MBNL1: variants seen among roughly 807,000 people sequenced by gnomAD.
MBNL1 encodes muscleblind-like protein 1.
MBNL1 carries 8 observed loss-of-function variants against 42.2 expected under a neutral mutation model. The ratio of observed to expected loss-of-function variants is 0.19; its 90% CI spans 0.11 to 0.34. The LOEUF is 0.34. Ranked by LOEUF, MBNL1 falls within the 10% of genes least tolerant of loss-of-function variation. MBNL1 has a pLI of 1.00. For missense variants in MBNL1, 309 were observed against 495.3 expected (o/e 0.62, Z 3.57); for synonymous variants, 169 against 173.9 (o/e 0.97, Z 0.22).
chr3:152,409,602 A>T (rs2153611198), intron 2 of MBNL1, among the ~76,000 whole-genome samples: 1 of 152,332 alleles, frequency 6.6e-6, no homozygotes, highest in South Asian at 2.1e-4. Context: ...CCCAAAAGGA[A>T]ATCTTGGTTT....
At chr3:152,273,386 G>A (rs916473156) in intron 1 of MBNL1, among the ~76,000 whole-genome samples, 2 of 151,978 alleles carry the variant, frequency 1.3e-5, no homozygotes, top group African/African-American at 4.8e-5. Flanking sequence ...GTAAATACAT[G>A]GTTATAGTTT....
At chr3:152,296,672 T>TTGTGTGTGTGTG (rs10564035) in intron 1 of MBNL1, among the ~76,000 whole-genome samples, 1 of 148,508 alleles carries the variant, frequency 6.7e-6, no homozygotes. Flanking sequence ...GAGGCAATGA[T>TTGTGTGTGTGTG]TGTGTGTGTG....
chr3:152,345,339 G>A lies in MBNL1; in HGVS notation c.174+44972G>A, dbSNP rs577243125. ...TGCTTTATTTTACTCCTTTAAAAGC[G>A]TAAGATGGAATGGCTCAAATAAAAT... is the stretch of plus-strand genomic sequence containing the variant. On this transcript the variant is annotated intron_variant, in intron 2 of 9. Coordinates refer to ENST00000324210, the MANE Select transcript of MBNL1 (RefSeq NM_021038.5). 3.9e-5 allele frequency among the ~76,000 whole-genome samples: 6 copies of A among 152,082 alleles called. No homozygotes were observed. In the East Asian group the frequency reaches 5.8e-4, roughly 15 times the overall value.
Position 152,410,070 on chromosome 3 carries a change from C to A in MBNL1, c.175-4871C>A, listed in dbSNP as rs113837847. Among the ~76,000 whole-genome samples, 666 of 152,028 alleles carry A rather than the reference C, an allele frequency of 4.4e-3. 4 individuals carry two copies. The highest frequency in any genetic ancestry group is 0.015 in the African/African-American group (637 of 41,500). ...TTTTGATTGGCTATTAATTACCTAG[C>A]TTCCATTATATAATTTATATCTTAC... On this transcript the variant is annotated intron_variant, in intron 2 of 9. Transcript: ENST00000324210.
intron 2 of MBNL1, among the ~76,000 whole-genome samples, chr3:152,358,070 T>C (rs1008399898): frequency 1.3e-5 from 2 of 152,180 alleles, no homozygotes; most frequent in African/African-American, 2.4e-5. Flanking sequence ...AGTATGCTTG[T>C]AGGACGTATT....
intron 2 of MBNL1, among the ~76,000 whole-genome samples, chr3:152,404,655 T>C (rs1167453770): frequency 6.6e-6 from 1 of 151,716 alleles, no homozygotes; most frequent in East Asian, 1.9e-4. Context: ...TGTCTAACTT[T>C]ATATCTTTAA....
At chr3:152,292,577 A>T (rs1351689929) in intron 1 of MBNL1, among the ~76,000 whole-genome samples, 2 of 152,224 alleles carry the variant, frequency 1.3e-5, no homozygotes. Context: ...GTGGCAGACC[A>T]GCAGGCCACA....
chr3:152,427,663 A>T (rs1298076061), intron 3 of MBNL1, among the ~76,000 whole-genome samples: 1 of 152,116 alleles, frequency 6.6e-6, no homozygotes, highest in Non-Finnish European at 1.5e-5. Flanking sequence ...TTACAGGGTT[A>T]TGCCTACCCA....
rs142675980 is a variant in MBNL1, at chr3:152,366,271, C to T, written c.175-48670C>T. ...TAATTACCATCAGAAGTGTCTTATT[C>T]TGATGTTAAAGGCCAAATATCTGTG... On this transcript the variant is annotated intron_variant, in intron 2 of 9. Transcript: ENST00000324210. Among the ~76,000 whole-genome samples the T allele has an allele frequency of 2.4e-3, 359 of 152,182 alleles. 1 individual carries two copies. The highest frequency in any genetic ancestry group is 8.3e-3 in the African/African-American group (343 of 41,536).
At chr3:152,316,994 C>G (rs533719609) in intron 2 of MBNL1, among the ~76,000 whole-genome samples, 1 of 152,186 alleles carries the variant, frequency 6.6e-6, no homozygotes, top group South Asian at 2.1e-4. Flanking sequence ...GGTACAGTAA[C>G]TGTTTCATAA....
At chr3:152,443,467 A>G (rs2099170974) in intron 4 of MBNL1, among the ~76,000 whole-genome samples, 1 of 88,052 alleles carries the variant, frequency 1.1e-5, no homozygotes. Context: ...TCGTTTATGC[A>G]GTAGTATATA....
In MBNL1 at chr3:152,275,144, CTT is replaced by C. The variant is rs563060303; in HGVS notation, c.-790+6054_-790+6055del. 2.0e-3 allele frequency among the ~76,000 whole-genome samples: 312 copies of C among 152,254 alleles called. 1 individual carries two copies. Among genetic ancestry groups the C allele is most frequent in the African/African-American group, 7.1e-3 (295 of 41,546 alleles). ...ATTACAACAGTGACATTTTAGCACT[CTT>C]TGTGGACGGATAACTCTTCTAGTAG... On this transcript the variant is annotated intron_variant, in intron 1 of 9. Coordinates refer to ENST00000324210, the MANE Select transcript of MBNL1 (RefSeq NM_021038.5).
chr3:152,248,208 G>C (rs775711987), intron 2 of MBNL1, among the ~76,000 whole-genome samples: 3 of 151,968 alleles, frequency 2.0e-5, no homozygotes, highest in Admixed American at 6.6e-5. Flanking sequence ...TTCTATGTGG[G>C]TGAATATAGC....
chr3:152,346,506 A>G (rs2094268585), intron 2 of MBNL1, among the ~76,000 whole-genome samples: 1 of 152,158 alleles, frequency 6.6e-6, no homozygotes, highest in Non-Finnish European at 1.5e-5. Flanking sequence ...ATTATCTTAC[A>G]GAATAAATCT....
chr3:152,376,468 T>C (rs2096905841), intron 2 of MBNL1, among the ~76,000 whole-genome samples: 1 of 152,118 alleles, frequency 6.6e-6, no homozygotes, highest in Non-Finnish European at 1.5e-5. Flanking sequence ...GAGAGTGTAG[T>C]TATGTGTGGT....
intron 2 of MBNL1, among the ~76,000 whole-genome samples, chr3:152,245,239 C>T (rs1018306815): frequency 3.3e-5 from 5 of 152,088 alleles, no homozygotes; most frequent in South Asian, 2.1e-4. Flanking sequence ...CAGAATAATA[C>T]CTACACATAT....
At chr3:152,313,204 T>C (rs2068070610) in intron 2 of MBNL1, among the ~76,000 whole-genome samples, 1 of 152,044 alleles carries the variant, frequency 6.6e-6, no homozygotes, top group South Asian at 2.1e-4. Flanking sequence ...TTTTTATCTT[T>C]AATAGAGACA....
At chr3:152,291,356 A>G (rs2055852311) in intron 1 of MBNL1, among the ~76,000 whole-genome samples, 1 of 152,110 alleles carries the variant, frequency 6.6e-6, no homozygotes, top group African/African-American at 2.4e-5. Context: ...CATGGCTCAA[A>G]ATATCTTTCT....
chr3:152,388,401 A>G (rs2097538356), intron 2 of MBNL1, among the ~76,000 whole-genome samples: 2 of 152,256 alleles, frequency 1.3e-5, no homozygotes, highest in South Asian at 2.1e-4. Context: ...GACTTGAGAA[A>G]TGAGAATAGT....
Sources: gnomAD v4.1 joint callset for allele counts (sites outside exome capture counted in the v4.1 genomes callset) on GRCh38, gnomAD v4.1.1 for gene constraint, MANE v1.5 for transcripts, NCBI Gene and HGNC (gene_info 2026-07-23, HGNC 2026-07-21) for gene names.